The following HMGB1 variants were observed in gnomAD, a reference collection of about 807,000 sequenced individuals.
The protein encoded by HMGB1 is high mobility group protein B1.
For synonymous variants in HMGB1, 81 were observed against 84.0 expected (o/e 0.96, Z 0.19); for missense variants, 79 against 253.5 (o/e 0.31, Z 4.67).
intron 1 of HMGB1, chr13:30,465,383 C>T (rs918607107): frequency 2.1e-5 from 3 of 142,682 alleles, no homozygotes; most frequent in African/African-American, 7.6e-5. Context: ...CGCCGCTGCC[C>T]TCCCGCCGCC....
intron 1 of HMGB1, among the ~76,000 whole-genome samples, chr13:30,511,834 C>T (rs1160086708): frequency 6.6e-6 from 1 of 152,204 alleles, no homozygotes; most frequent in East Asian, 1.9e-4. Context: ...ACACACACCT[C>T]TAGAGGTTCC....
rs1036335576 is a variant in HMGB1 at position 30,520,140 on chromosome 13, G to A, written c.-14-56446C>T. On this transcript the variant is annotated intron_variant, in intron 1 of 4. Coordinates refer to the HMGB1 transcript ENST00000405805. ...AGTTCGAGACCAGCCTGGCCAACAC[G>A]GTGAAACCCCATCTCTACTAAAAAT... Among the ~76,000 whole-genome samples the A allele has an allele frequency of 3.9e-5, 6 of 152,234 alleles. No homozygotes were observed. In the East Asian group the frequency reaches 7.7e-4, roughly 20 times the overall value.
At chr13:30,543,538 G>A (rs79960841) in intron 1 of HMGB1, 24,512 of 152,512 alleles carry the variant, frequency 0.16, 2,001 homozygotes, top group Middle Eastern at 0.32. Context: ...GAACTTACAT[G>A]TCACCCACCT....
chr13:30,490,597 C>A (rs1249078391), intron 1 of HMGB1, among the ~76,000 whole-genome samples: 2 of 138,668 alleles, frequency 1.4e-5, no homozygotes, highest in Non-Finnish European at 3.1e-5. Flanking sequence ...CCAGCCTGGG[C>A]AACAGAGTGA....
intron 1 of HMGB1, among the ~76,000 whole-genome samples, chr13:30,561,530 A>G (rs1869951289): frequency 1.3e-5 from 2 of 152,156 alleles, no homozygotes; most frequent in Non-Finnish European, 2.9e-5. Flanking sequence ...TAGTCAGCCA[A>G]TTGGTGACAA....
intron 1 of HMGB1, among the ~76,000 whole-genome samples, chr13:30,497,177 C>A (rs1455515730): frequency 6.6e-6 from 1 of 152,172 alleles, no homozygotes; most frequent in Non-Finnish European, 1.5e-5. Flanking sequence ...ACTACTGCAC[C>A]AACCCTGCCC....
chr13:30,474,050 A>G (rs1422683642), intron 1 of HMGB1, among the ~76,000 whole-genome samples: 1 of 152,206 alleles, frequency 6.6e-6, no homozygotes, highest in Non-Finnish European at 1.5e-5. Flanking sequence ...TTGGGGAAAA[A>G]GAGAGTGCCT....
intron 1 of HMGB1, among the ~76,000 whole-genome samples, chr13:30,514,181 T>C (rs1888051904): frequency 6.6e-6 from 1 of 151,856 alleles, no homozygotes; most frequent in Admixed American, 6.6e-5. Flanking sequence ...AACCGTAGGA[T>C]TTTTGTAATG....
chr13:30,492,067 C>T (rs1046402546), intron 1 of HMGB1, among the ~76,000 whole-genome samples: 4 of 151,910 alleles, frequency 2.6e-5, no homozygotes, highest in Non-Finnish European at 4.4e-5. Context: ...ACTCGGGAGG[C>T]TGAGGCAGGA....
At chr13:30,479,995 C>T (rs1406703761) in intron 1 of HMGB1, among the ~76,000 whole-genome samples, 1 of 152,208 alleles carries the variant, frequency 6.6e-6, no homozygotes, top group Non-Finnish European at 1.5e-5. Flanking sequence ...CTCCTGATTT[C>T]TAATCAAACT....
chr13:30,554,784 G>T, intron 1 of HMGB1: 3 of 765,024 alleles, frequency 3.9e-6, no homozygotes, highest in South Asian at 2.7e-5. Flanking sequence ...AAATGAGAAC[G>T]AACAAAAAAG....
chr13:30,470,255 C>T (rs537968466), upstream of HMGB1, among the ~76,000 whole-genome samples: 12 of 152,298 alleles, frequency 7.9e-5, no homozygotes, highest in South Asian at 2.1e-4. Flanking sequence ...AAATAAAGCC[C>T]GTTGCATAAA....
At chr13:30,543,065 T>A (rs1209008765) in intron 1 of HMGB1, 3 of 151,508 alleles carry the variant, frequency 2.0e-5, no homozygotes, top group East Asian at 3.9e-4. Context: ...CCAAAGCACA[T>A]TTGGCACAGA....
intron 1 of HMGB1, among the ~76,000 whole-genome samples, chr13:30,550,137 T>C (rs543759950): frequency 6.7e-6 from 1 of 149,236 alleles, no homozygotes; most frequent in East Asian, 1.9e-4. Flanking sequence ...TCCTATATTT[T>C]CCTTAACATT....
intron 1 of HMGB1, among the ~76,000 whole-genome samples, chr13:30,582,763 G>A (rs1165288148): frequency 6.6e-6 from 1 of 152,098 alleles, no homozygotes; most frequent in Non-Finnish European, 1.5e-5. Context: ...CCCACGTAAC[G>A]ACAGGTATTT....
chr13:30,509,168 G>A (rs1887935473), intron 1 of HMGB1, among the ~76,000 whole-genome samples: 1 of 152,126 alleles, frequency 6.6e-6, no homozygotes, highest in East Asian at 1.9e-4. Flanking sequence ...TAGCTCTTGG[G>A]TTTTAGGCAT....
chr13:30,538,872 A>T (rs949010573), intron 1 of HMGB1, among the ~76,000 whole-genome samples: 1 of 150,310 alleles, frequency 6.7e-6, no homozygotes, highest in Non-Finnish European at 1.5e-5. Context: ...ACCCCCATGG[A>T]CATAAAAATG....
intron 1 of HMGB1, among the ~76,000 whole-genome samples, chr13:30,588,791 C>A (rs1478500774): frequency 6.6e-6 from 1 of 151,806 alleles, no homozygotes; most frequent in Non-Finnish European, 1.5e-5. Flanking sequence ...ATGGCTCGTG[C>A]CTGTAGTCCC....
intron 1 of HMGB1, among the ~76,000 whole-genome samples, chr13:30,545,954 G>A (rs937541829): frequency 1.3e-5 from 2 of 152,030 alleles, no homozygotes; most frequent in African/African-American, 2.4e-5. Flanking sequence ...CACCCACCTC[G>A]GCCTCCCAAA....
Sources: gnomAD v4.1 joint callset for allele counts (sites outside exome capture counted in the v4.1 genomes callset) on GRCh38, gnomAD v4.1.1 for gene constraint, MANE v1.5 for transcripts, NCBI Gene and HGNC (gene_info 2026-07-23, HGNC 2026-07-21) for gene names.